Variants in TAFA5 observed in about 807,000 individuals in gnomAD.
TAFA5 encodes chemokine-like protein TAFA-5.
A neutral mutation model predicts 15.3 loss-of-function variants in TAFA5; 6 were observed. That is an observed-to-expected ratio of 0.39 (90% CI 0.21 to 0.77). The LOEUF is 0.77. TAFA5 is among the 30% of genes least tolerant of loss of function. The pLI, the probability that TAFA5 is intolerant of heterozygous loss-of-function variation, is 0.41. For synonymous variants in TAFA5, 103 were observed against 80.7 expected (o/e 1.28, Z -1.48); for missense variants, 161 against 193.1 (o/e 0.83, Z 0.98).
At chr22:48,646,053 T>A (rs1926850844) in intron 1 of TAFA5, among the ~76,000 whole-genome samples, 1 of 152,154 alleles carries the variant, frequency 6.6e-6, no homozygotes, top group Non-Finnish European at 1.5e-5. Flanking sequence ...TGCTCGTTCC[T>A]CTGTACCCAG....
At chr22:48,670,664 T>C (rs1161561695) in intron 2 of TAFA5, among the ~76,000 whole-genome samples, 1 of 152,268 alleles carries the variant, frequency 6.6e-6, no homozygotes, top group Non-Finnish European at 1.5e-5. Context: ...AGACAGGATT[T>C]AGGAGCGGCT....
chr22:48,616,222 C>T (rs1197246252), intron 1 of TAFA5, among the ~76,000 whole-genome samples: 1 of 152,124 alleles, frequency 6.6e-6, no homozygotes, highest in Non-Finnish European at 1.5e-5. Flanking sequence ...GAGCTGGGGA[C>T]AGCGCTGCAG....
intron 1 of TAFA5, among the ~76,000 whole-genome samples, chr22:48,498,387 C>A (rs1173750299): frequency 6.6e-6 from 1 of 152,034 alleles, no homozygotes; most frequent in Non-Finnish European, 1.5e-5. Context: ...AACTAAGTCT[C>A]CTGGATTCCA....
intron 3 of TAFA5, among the ~76,000 whole-genome samples, chr22:48,712,528 G>C (rs130159): frequency 0.71 from 108,585 of 152,218 alleles, 38,925 homozygotes; most frequent in Admixed American, 0.76. Context: ...TGGGCACACA[G>C]GCTCACATGG....
intron 2 of TAFA5, among the ~76,000 whole-genome samples, chr22:48,676,332 A>G (rs1927970180): frequency 6.6e-6 from 1 of 152,134 alleles, no homozygotes; most frequent in African/African-American, 2.4e-5. Flanking sequence ...TGAGCCTTTG[A>G]GGGAGGGTGG....
chr22:48,726,397 G>T (rs1158020970), intron 3 of TAFA5, among the ~76,000 whole-genome samples: 4 of 152,258 alleles, frequency 2.6e-5, no homozygotes, highest in Admixed American at 1.3e-4. Flanking sequence ...GTGGTGGTGG[G>T]CTGGACAGGT....
At position 48,547,575 on chromosome 22, in the gene TAFA5, G is replaced by A. The variant is rs80232780; in HGVS notation, c.112+57871G>A. Among the ~76,000 whole-genome samples the A allele has an allele frequency of 2.1e-3, 317 of 152,340 alleles. 7 individuals are homozygous for A. The East Asian group carries it at 0.041, about 20-fold the overall frequency. The stretch of plus-strand genomic sequence containing the variant: ...GACTCTTCACTGTGCAATAGTGACA[G>A]TAATGGGGAGAGCCGCTCGTGTTCA... On this transcript the variant is annotated intron_variant, in intron 1 of 3. Coordinates refer to ENST00000402357, the MANE Select transcript of TAFA5 (RefSeq NM_001082967.3).
chr22:48,669,501 C>T (rs756452052), intron 2 of TAFA5, among the ~76,000 whole-genome samples: 1 of 152,236 alleles, frequency 6.6e-6, no homozygotes, highest in Non-Finnish European at 1.5e-5. Flanking sequence ...TTGCCAGCCT[C>T]GCCATGGTGA....
intron 1 of TAFA5, among the ~76,000 whole-genome samples, chr22:48,542,685 TGTATGTGTG>T (rs1922498237): frequency 1.6e-5 from 2 of 122,052 alleles, no homozygotes; most frequent in South Asian, 2.7e-4. Context: ...GTTTGTGTGG[TGTATGTGTG>T]GTGTGTGTGA....
chr22:48,558,531 T>A (rs1191881002), intron 1 of TAFA5, among the ~76,000 whole-genome samples: 3 of 152,128 alleles, frequency 2.0e-5, no homozygotes, highest in African/African-American at 7.2e-5. Flanking sequence ...CCTGTGGGTG[T>A]TTGCCACGGT....
At chr22:48,563,148 G>A (rs1417812432) in intron 1 of TAFA5, among the ~76,000 whole-genome samples, 2 of 152,230 alleles carry the variant, frequency 1.3e-5, no homozygotes, top group African/African-American at 2.4e-5. Context: ...TACTTGGCCA[G>A]GTCTTTGCGT....
chr22:48,558,859 T>C (rs1034154021), intron 1 of TAFA5, among the ~76,000 whole-genome samples: 1 of 152,230 alleles, frequency 6.6e-6, no homozygotes, highest in South Asian at 2.1e-4. Context: ...GCCCACCTCC[T>C]GGGCTTCACT....
At chr22:48,555,157 A>T (rs1922990144) in intron 1 of TAFA5, among the ~76,000 whole-genome samples, 1 of 152,190 alleles carries the variant, frequency 6.6e-6, no homozygotes, top group South Asian at 2.1e-4. Context: ...AGGGCCTGGC[A>T]CACAGGGGCT....
rs1260666821 is a variant in TAFA5, at chr22:48,542,378, G to T, written c.112+52674G>T. ...GCATATGTGTGTGTGCGGGTGTGTG[G>T]TGTGTGTGTGTGGTGTGTGTGTGCG... On this transcript the variant is annotated intron_variant, in intron 1 of 3. Coordinates refer to ENST00000402357, the MANE Select transcript of TAFA5 (RefSeq NM_001082967.3). Among the ~76,000 whole-genome samples, 92 of 130,714 alleles carry T rather than the reference G, an allele frequency of 7.0e-4. 1 individual carries two copies. The highest frequency in any genetic ancestry group is 8.0e-5 in the Non-Finnish European group (5 of 62,200). The allele number at this position is 130,714 out of a possible 152,430, so 85.8% of individuals were successfully genotyped here. A position where few individuals can be genotyped will look rare whatever the true frequency, so the allele number is the denominator to read the frequency against.
chr22:48,689,999 C>T (rs564170238), intron 2 of TAFA5, among the ~76,000 whole-genome samples: 2 of 152,146 alleles, frequency 1.3e-5, no homozygotes, highest in Admixed American at 1.3e-4. Context: ...CCCTGGTGGC[C>T]TGGCGTCCAT....
intron 2 of TAFA5, among the ~76,000 whole-genome samples, chr22:48,657,417 A>G (rs1374170151): frequency 6.6e-6 from 1 of 152,246 alleles, no homozygotes; most frequent in African/African-American, 2.4e-5. Context: ...GCCCAGGACC[A>G]GATGGCTTCA....
intron 2 of TAFA5, among the ~76,000 whole-genome samples, chr22:48,680,115 C>T (rs1022032274): frequency 6.6e-6 from 1 of 152,178 alleles, no homozygotes; most frequent in African/African-American, 2.4e-5. Context: ...GGATGGGTGG[C>T]CATGGTCCCC....
At chr22:48,717,199 A>G (rs1415526586) in intron 3 of TAFA5, among the ~76,000 whole-genome samples, 1 of 152,238 alleles carries the variant, frequency 6.6e-6, no homozygotes, top group Non-Finnish European at 1.5e-5. Context: ...CGCCCACAGC[A>G]GCGTCGTCGG....
chr22:48,656,656 T>C (rs1203089435), intron 2 of TAFA5, among the ~76,000 whole-genome samples: 2 of 145,422 alleles, frequency 1.4e-5, no homozygotes, highest in Non-Finnish European at 1.5e-5. Flanking sequence ...AAAATGGGAA[T>C]AAAGTAGAAT....
Sources: gnomAD v4.1 joint callset for allele counts (sites outside exome capture counted in the v4.1 genomes callset) on GRCh38, gnomAD v4.1.1 for gene constraint, MANE v1.5 for transcripts, NCBI Gene and HGNC (gene_info 2026-07-23, HGNC 2026-07-21) for gene names.